The following RPS6KA5 variants were observed in gnomAD, a reference collection of about 807,000 sequenced individuals.
The protein encoded by RPS6KA5 is ribosomal protein S6 kinase alpha-5.
Under a neutral mutation model 85.5 loss-of-function variants are expected in RPS6KA5, and 27 were observed. The observed-to-expected ratio is 0.32, with a 90% confidence interval of 0.23 to 0.44. The LOEUF is 0.44. RPS6KA5 is among the 20% of genes least tolerant of loss of function. The probability of loss-of-function intolerance (pLI) is 1.00; values close to 1 mark genes in which losing one functional copy is unlikely to be tolerated. For missense variants in RPS6KA5, 811 were observed against 980.9 expected (o/e 0.83, Z 2.31); for synonymous variants, 334 against 348.2 (o/e 0.96, Z 0.46).
chr14:90,908,641 G>T (rs1472926424), intron 7 of RPS6KA5, among the ~76,000 whole-genome samples: 2 of 152,200 alleles, frequency 1.3e-5, no homozygotes, highest in Non-Finnish European at 2.9e-5. Context: ...GTGGTGAGGA[G>T]AAAGGGCCTA....
rs1280228009 is a variant in RPS6KA5 at position 90,951,135 on chromosome 14, A to AAG, written c.395-3587_395-3586dup. Among the ~76,000 whole-genome samples the AAG allele has an allele frequency of 6.3e-3, 924 of 146,408 alleles. 20 individuals are homozygous for AAG. The highest frequency in any genetic ancestry group is 0.023 in the African/African-American group (870 of 38,618). Reference sequence around the variant, plus strand: ...CTCAGTCTCAAAAAAAAAAAAAAAAAAGAGAGAGAGAGAGAGATAATGGTC... The same window carrying AAG: ...CTCAGTCTCAAAAAAAAAAAAAAAAAAGAGAGAGAGAGAGAGAGATAATGGTC... On this transcript the variant is annotated intron_variant, in intron 3 of 16. Coordinates refer to ENST00000614987, the MANE Select transcript of RPS6KA5 (RefSeq NM_004755.4).
At chr14:90,971,006 T>G (rs1401421807) in intron 3 of RPS6KA5, among the ~76,000 whole-genome samples, 1 of 151,980 alleles carries the variant, frequency 6.6e-6, no homozygotes, top group African/African-American at 2.4e-5. Flanking sequence ...TCCACCACCA[T>G]TTTTGTAAAT....
At chr14:91,009,974 T>C (rs1180647919) in intron 1 of RPS6KA5, among the ~76,000 whole-genome samples, 1 of 150,326 alleles carries the variant, frequency 6.7e-6, no homozygotes, top group Non-Finnish European at 1.5e-5. Context: ...TGCAGTCAAA[T>C]GCAGCAAGAA....
intron 2 of RPS6KA5, among the ~76,000 whole-genome samples, chr14:90,992,980 A>G (rs2040370872): frequency 2.0e-5 from 3 of 152,350 alleles, no homozygotes; most frequent in South Asian, 2.1e-4. Context: ...CAAATGAGAC[A>G]TCGTGACGAG....
At chr14:90,971,641 T>C (rs1831400554) in intron 3 of RPS6KA5, among the ~76,000 whole-genome samples, 1 of 152,186 alleles carries the variant, frequency 6.6e-6, no homozygotes, top group African/African-American at 2.4e-5. Context: ...ATCTTATCAT[T>C]TGGAGAAGCC....
chr14:91,007,335 G>C (rs1040765017), intron 1 of RPS6KA5, among the ~76,000 whole-genome samples: 2 of 152,180 alleles, frequency 1.3e-5, no homozygotes, highest in African/African-American at 4.8e-5. Flanking sequence ...CTGGTACACA[G>C]GAGTACGACC....
intron 1 of RPS6KA5, among the ~76,000 whole-genome samples, chr14:91,059,126 G>T (rs373828096): frequency 1.3e-5 from 2 of 152,114 alleles, no homozygotes; most frequent in African/African-American, 4.8e-5. Flanking sequence ...TCGGGAGTTC[G>T]CGACCAGCCT....
intron 7 of RPS6KA5, among the ~76,000 whole-genome samples, chr14:90,917,410 T>C (rs1263530163): frequency 6.6e-6 from 1 of 152,166 alleles, no homozygotes; most frequent in African/African-American, 2.4e-5. Flanking sequence ...AAGTATATAA[T>C]TTTATGTTTT....
chr14:91,046,280 G>A (rs1187710179), intron 1 of RPS6KA5, among the ~76,000 whole-genome samples: 1 of 152,134 alleles, frequency 6.6e-6, no homozygotes. Flanking sequence ...AACCCTTATG[G>A]GTGAATAAAA....
chr14:90,962,061 T>C (rs1238094728), intron 3 of RPS6KA5, among the ~76,000 whole-genome samples: 2 of 152,098 alleles, frequency 1.3e-5, no homozygotes, highest in Non-Finnish European at 2.9e-5. Flanking sequence ...GATCAATACA[T>C]CTCTCTTGAT....
At chr14:90,876,980 C>A (rs1456131024) in intron 14 of RPS6KA5, among the ~76,000 whole-genome samples, 1 of 152,098 alleles carries the variant, frequency 6.6e-6, no homozygotes, top group Non-Finnish European at 1.5e-5. Context: ...AACTCCTAGA[C>A]AGGCTAATAA....
intron 12 of RPS6KA5, among the ~76,000 whole-genome samples, chr14:90,896,732 T>C (rs1412172585): frequency 6.6e-6 from 1 of 152,008 alleles, no homozygotes; most frequent in Non-Finnish European, 1.5e-5. Context: ...TGTTTTCTTA[T>C]TTTTTTGAGA....
intron 1 of RPS6KA5, among the ~76,000 whole-genome samples, chr14:91,053,258 C>T (rs2043169140): frequency 6.6e-6 from 1 of 152,220 alleles, no homozygotes; most frequent in Non-Finnish European, 1.5e-5. Context: ...ACCCCATACT[C>T]AGTGGTAGAA....
intron 1 of RPS6KA5, among the ~76,000 whole-genome samples, chr14:91,024,573 T>C (rs1389455528): frequency 6.6e-6 from 1 of 152,206 alleles, no homozygotes; most frequent in African/African-American, 2.4e-5. Context: ...GAAAAACTAG[T>C]AATTTTTCCT....
chr14:91,030,494 C>T (rs1055620183), intron 1 of RPS6KA5, among the ~76,000 whole-genome samples: 5 of 151,562 alleles, frequency 3.3e-5, no homozygotes, highest in Non-Finnish European at 7.4e-5. Flanking sequence ...CCATGTAAGC[C>T]TCCAGCCAGC....
chr14:90,872,035 A>G lies in RPS6KA5; in HGVS notation c.*39T>C. 1 of 1,582,020 alleles carries G rather than the reference A, an allele frequency of 6.3e-7. No homozygotes were observed. Among genetic ancestry groups the G allele is most frequent in the Non-Finnish European group, 8.6e-7 (1 of 1,166,472 alleles). On this transcript the variant is annotated 3_prime_UTR_variant, in exon 17 of 17. Coordinates refer to ENST00000614987, the MANE Select transcript of RPS6KA5 (RefSeq NM_004755.4). ...ATCGCCTCAGGCATATGCTGAGGGA[A>G]TAAAGGTGCAATGGATCACTGATAC... is the stretch of plus-strand genomic sequence containing the variant.
chr14:90,983,731 G>C (rs1439937055), intron 2 of RPS6KA5, among the ~76,000 whole-genome samples: 5 of 151,878 alleles, frequency 3.3e-5, no homozygotes, highest in African/African-American at 1.2e-4. Flanking sequence ...GAAATGAAAA[G>C]CAAAAGAGAA....
intron 14 of RPS6KA5, among the ~76,000 whole-genome samples, chr14:90,885,699 G>A (rs1213456092): frequency 8.7e-6 from 1 of 115,408 alleles, no homozygotes; most frequent in Non-Finnish European, 1.6e-5. Flanking sequence ...CGGAGATCAC[G>A]CCACTGCACT....
At chr14:91,034,661 C>T (rs1172048303) in intron 1 of RPS6KA5, among the ~76,000 whole-genome samples, 2 of 152,228 alleles carry the variant, frequency 1.3e-5, no homozygotes, top group East Asian at 3.8e-4. Context: ...GCAGCAGCAA[C>T]CTGCTCGGGT....
Sources: gnomAD v4.1 joint callset for allele counts (sites outside exome capture counted in the v4.1 genomes callset) on GRCh38, gnomAD v4.1.1 for gene constraint, MANE v1.5 for transcripts, NCBI Gene and HGNC (gene_info 2026-07-23, HGNC 2026-07-21) for gene names.